PPARGC1A: variants seen among roughly 807,000 people sequenced by gnomAD.
The protein encoded by PPARGC1A is PPARG coactivator 1 alpha.
A neutral mutation model predicts 88.7 loss-of-function variants in PPARGC1A; 25 were observed. That is an observed-to-expected ratio of 0.28 (90% CI 0.21 to 0.39). PPARGC1A has a LOEUF of 0.39. Among genes scored for constraint, PPARGC1A ranks in the 10% least tolerant of loss-of-function variants. PPARGC1A has a pLI of 1.00. For synonymous variants in PPARGC1A, 363 were observed against 355.6 expected (o/e 1.02, Z -0.24); for missense variants, 880 against 968.7 (o/e 0.91, Z 1.22).
the PPARGC1A span, among the ~76,000 whole-genome samples, chr4:24,210,209 C>T: frequency 1.3e-5 from 2 of 152,146 alleles, no homozygotes; most frequent in African/African-American, 2.4e-5. Flanking sequence ...ACCTACTTTA[C>T]AAAGTTGGCA....
chr4:23,884,305 G>T (rs1016757871), intron 2 of PPARGC1A: 11 of 166,764 alleles, frequency 6.6e-5, no homozygotes, highest in Non-Finnish European at 1.3e-4. Context: ...AATCAAAAGA[G>T]CTCACCTAAT....
the PPARGC1A span, among the ~76,000 whole-genome samples, chr4:24,126,669 G>A: frequency 6.1e-4 from 93 of 152,128 alleles, no homozygotes; most frequent in Non-Finnish European, 5.9e-5. Flanking sequence ...TGTATTAAAT[G>A]GTCAGCAAGT....
chr4:23,842,390 C>A (rs1727208802), intron 2 of PPARGC1A, among the ~76,000 whole-genome samples: 1 of 152,016 alleles, frequency 6.6e-6, no homozygotes, highest in Non-Finnish European at 1.5e-5. Flanking sequence ...TTAAGCATTC[C>A]CTTCCATGGG....
At chr4:24,032,903 C>A in the PPARGC1A span, among the ~76,000 whole-genome samples, 2 of 152,182 alleles carry the variant, frequency 1.3e-5, no homozygotes, top group Non-Finnish European at 2.9e-5. Flanking sequence ...CGCACACACC[C>A]TTAGATACTT....
At chr4:23,934,522 T>C in the PPARGC1A span, among the ~76,000 whole-genome samples, 2 of 152,120 alleles carry the variant, frequency 1.3e-5, no homozygotes, top group Non-Finnish European at 2.9e-5. Flanking sequence ...CTTGGAACAA[T>C]TGGGATTGTA....
chr4:24,187,077 T>G, the PPARGC1A span, among the ~76,000 whole-genome samples: 1 of 152,222 alleles, frequency 6.6e-6, no homozygotes, highest in African/African-American at 2.4e-5. Context: ...GGTAACCAGA[T>G]GCCATGAGTA....
At chr4:24,337,870 C>T in the PPARGC1A span, among the ~76,000 whole-genome samples, 2 of 152,130 alleles carry the variant, frequency 1.3e-5, no homozygotes, top group African/African-American at 2.4e-5. Flanking sequence ...TGAGCTCCGA[C>T]GACCCCATTC....
chr4:23,937,797 G>A, the PPARGC1A span, among the ~76,000 whole-genome samples: 4 of 152,164 alleles, frequency 2.6e-5, no homozygotes, highest in African/African-American at 9.7e-5. Context: ...TGGAGGAGGA[G>A]CTGAGATATT....
the PPARGC1A span, among the ~76,000 whole-genome samples, chr4:24,293,441 T>C: frequency 1.4e-4 from 1 of 7,282 alleles, no homozygotes; most frequent in Admixed American, 1.5e-3. Context: ...GTGCTCCTCC[T>C]ACCCCCTCAC....
chr4:24,318,773 G>A, the PPARGC1A span, among the ~76,000 whole-genome samples: 1 of 152,082 alleles, frequency 6.6e-6, no homozygotes, highest in South Asian at 2.1e-4. Context: ...ATAATTTGGG[G>A]GCCCCTGAAT....
chr4:24,141,726 T>C, the PPARGC1A span, among the ~76,000 whole-genome samples: 24 of 152,314 alleles, frequency 1.6e-4, no homozygotes, highest in Admixed American at 1.4e-3. Context: ...TCTTGCTTGC[T>C]TGGAGGCAAA....
At chr4:24,278,855 A>G in the PPARGC1A span, among the ~76,000 whole-genome samples, 1 of 152,162 alleles carries the variant, frequency 6.6e-6, no homozygotes, top group African/African-American at 2.4e-5. Flanking sequence ...ACACAGCTGA[A>G]CCTCTGCTCC....
At chr4:24,035,351 C>A in the PPARGC1A span, among the ~76,000 whole-genome samples, 1 of 151,958 alleles carries the variant, frequency 6.6e-6, no homozygotes, top group South Asian at 2.1e-4. Flanking sequence ...ACCAGATGGG[C>A]CAACATGGTT....
the PPARGC1A span, among the ~76,000 whole-genome samples, chr4:24,447,815 A>T: frequency 6.6e-6 from 1 of 152,178 alleles, no homozygotes; most frequent in African/African-American, 2.4e-5. Context: ...GTCCCAGAAG[A>T]CATCCTTTCC....
the PPARGC1A span, among the ~76,000 whole-genome samples, chr4:24,353,081 C>T: frequency 1.3e-5 from 2 of 152,048 alleles, no homozygotes; most frequent in Admixed American, 6.5e-5. Flanking sequence ...ATTTCAGGGG[C>T]ATGTTGCATC....
chr4:24,019,495 G>A, the PPARGC1A span, among the ~76,000 whole-genome samples: 1 of 152,118 alleles, frequency 6.6e-6, no homozygotes, highest in Non-Finnish European at 1.5e-5. Flanking sequence ...TACCCTGAGG[G>A]TAAAATTTCA....
At chr4:24,061,447 T>C in the PPARGC1A span, among the ~76,000 whole-genome samples, 2 of 152,176 alleles carry the variant, frequency 1.3e-5, no homozygotes, top group Non-Finnish European at 2.9e-5. Flanking sequence ...TGCTTCTACT[T>C]CCTTTGGGCT....
chr4:24,406,828 C>T, the PPARGC1A span, among the ~76,000 whole-genome samples: 1 of 152,176 alleles, frequency 6.6e-6, no homozygotes, highest in Admixed American at 6.5e-5. Context: ...TTGAGCCTGG[C>T]CATCCAGCAC....
chr4:24,254,472 T>C, the PPARGC1A span, among the ~76,000 whole-genome samples: 25 of 152,126 alleles, frequency 1.6e-4, no homozygotes, highest in African/African-American at 3.4e-4. Context: ...CATTACTACA[T>C]AGAAAGATCT....
Sources: allele counts gnomAD v4.1 joint callset (sites outside exome capture counted in the v4.1 genomes callset), GRCh38; gene constraint gnomAD v4.1.1; transcripts MANE v1.5; gene names NCBI Gene and HGNC (gene_info 2026-07-23, HGNC 2026-07-21).